KDM6A: variants seen among roughly 807,000 people sequenced by gnomAD.
The protein encoded by KDM6A is lysine demethylase 6A.
Under a neutral mutation model 117.6 loss-of-function variants are expected in KDM6A, and 11 were observed. The observed-to-expected ratio is 0.09, with a 90% CI of 0.06 to 0.15. The LOEUF (loss-of-function observed/expected upper bound fraction) is 0.15, where lower values mean the gene tolerates loss of function less well. Among genes scored for constraint, KDM6A ranks in the 10% least tolerant of loss-of-function variants. KDM6A has a pLI of 1.00. For missense variants in KDM6A, 799 were observed against 1,077.3 expected, an observed-to-expected ratio of 0.74 and a Z score of 3.62; for synonymous variants, 384 against 396.1, an observed-to-expected ratio of 0.97 and a Z score of 0.36.
chrX:45,029,173 A>G (rs1016892041), intron 6 of KDM6A, among the ~76,000 whole-genome samples: 4 of 111,406 alleles, frequency 3.6e-5, no homozygotes, highest in African/African-American at 1.3e-4. Flanking sequence ...AGTGGCTCAC[A>G]CCTGTAATCC....
chrX:44,916,054 T>C (rs1222681152), intron 2 of KDM6A, among the ~76,000 whole-genome samples: 1 of 111,528 alleles, frequency 9.0e-6, no homozygotes, highest in Admixed American at 9.6e-5. Context: ...TTCTATTTTA[T>C]TAGTTATTGT....
intron 8 of KDM6A, among the ~76,000 whole-genome samples, chrX:45,045,181 A>G (rs749981220): frequency 2.7e-5 from 3 of 111,591 alleles, no homozygotes; most frequent in Non-Finnish European, 3.8e-5. Context: ...AAACTATTTC[A>G]TCATCTCAAA....
intron 2 of KDM6A, among the ~76,000 whole-genome samples, chrX:44,956,382 TTTCCTC>T (rs746864920): frequency 3.2e-4 from 36 of 111,208 alleles, no homozygotes; most frequent in Admixed American, 2.9e-4. Flanking sequence ...TCCTTTTCTT[TTTCCTC>T]TTCCTCTTCC....
chrX:45,027,309 C>A (rs1450993398), intron 6 of KDM6A, among the ~76,000 whole-genome samples: 3 of 93,756 alleles, frequency 3.2e-5, no homozygotes, highest in Non-Finnish European at 5.8e-5. Context: ...GACACACATA[C>A]ACACACACAC....
chrX:44,965,236 A>T (rs190625724), intron 3 of KDM6A, among the ~76,000 whole-genome samples: 1 of 111,661 alleles, frequency 9.0e-6, no homozygotes, highest in East Asian at 2.8e-4. Flanking sequence ...TATCCAGACC[A>T]CTCAGACCAT....
intron 8 of KDM6A, among the ~76,000 whole-genome samples, chrX:45,041,844 C>T (rs1456603934): frequency 4.5e-5 from 5 of 110,911 alleles, no homozygotes; most frequent in South Asian, 7.8e-4. Flanking sequence ...ACTTCCCAGA[C>T]GGGGTGGCGG....
intron 4 of KDM6A, among the ~76,000 whole-genome samples, chrX:44,994,207 G>A (rs2040756578): frequency 8.9e-6 from 1 of 111,913 alleles, no homozygotes; most frequent in Admixed American, 9.5e-5. Flanking sequence ...TTGTCTAAGT[G>A]AAACTTCGTA....
At chrX:45,045,588 GAAAAAAAA>G (rs569636939) in intron 8 of KDM6A, among the ~76,000 whole-genome samples, 14 of 35,666 alleles carry the variant, frequency 3.9e-4, no homozygotes, top group South Asian at 1.6e-3. Flanking sequence ...TCTGTCTCAA[GAAAAAAAA>G]AAAAAAAAAA....
intron 2 of KDM6A, among the ~76,000 whole-genome samples, chrX:44,907,807 T>C (rs2034823948): frequency 9.7e-6 from 1 of 102,947 alleles, no homozygotes; most frequent in African/African-American, 3.6e-5. Flanking sequence ...GTGACTGTTG[T>C]TGTATAGGTC....
chrX:44,900,935 A>G (rs1354141837), intron 2 of KDM6A, among the ~76,000 whole-genome samples: 1 of 112,422 alleles, frequency 8.9e-6, no homozygotes, highest in Non-Finnish European at 1.9e-5. Context: ...TAATAATAAT[A>G]TTCTGCATTT....
At chrX:45,042,912 A>T (rs1299435444) in intron 8 of KDM6A, among the ~76,000 whole-genome samples, 3 of 113,000 alleles carry the variant, frequency 2.7e-5, no homozygotes, top group Non-Finnish European at 1.9e-5. Flanking sequence ...AAAGTTATGG[A>T]ATACCACTTT....
Position 45,011,271 on chromosome X carries a change from A to G in KDM6A, c.443+252A>G, listed in dbSNP as rs541858517. On this transcript the variant is annotated intron_variant, in intron 5 of 29. Transcript: ENST00000611820. ...GATTCTGTTGAAGAAGGCTTAGATT[A>G]GAAAGCTTTTTGGAATTTCTTAGTC... is the stretch of plus-strand genomic sequence containing the variant. Among the ~76,000 whole-genome samples, 85 of 111,818 alleles carry G rather than the reference A, an allele frequency of 7.6e-4. No individual in the cohort carries two copies. The Middle Eastern group carries it at 0.018, about 24-fold the overall frequency.
chrX:44,932,921 C>G (rs779063934), intron 2 of KDM6A, among the ~76,000 whole-genome samples: 1 of 104,731 alleles, frequency 9.5e-6, no homozygotes, highest in Non-Finnish European at 1.9e-5. Flanking sequence ...GAGTTTCGCT[C>G]TTGTTGCCCA....
At chrX:45,066,675 A>G (rs183102231) in intron 17 of KDM6A, among the ~76,000 whole-genome samples, 46 of 111,839 alleles carry the variant, frequency 4.1e-4, no homozygotes, top group African/African-American at 1.4e-3. Flanking sequence ...GCATAGTTCT[A>G]TTTTCTTTTC....
At chrX:45,071,377 T>G (rs2148065517) in intron 18 of KDM6A, among the ~76,000 whole-genome samples, 1 of 112,171 alleles carries the variant, frequency 8.9e-6, no homozygotes, top group African/African-American at 3.2e-5. Flanking sequence ...AAAACAATTC[T>G]TATTTATAGC....
At chrX:45,089,609 C>A in intron 25 of KDM6A, 134 bp from the exon 26 acceptor site, 1 of 501,430 alleles carries the variant, frequency 2.0e-6, no homozygotes. Flanking sequence ...TACAGCAGAT[C>A]TTTTTGCACA....
Position 45,059,890 on chromosome X carries a change from C to T in KDM6A, c.1195-132C>T. 5 of 984,529 alleles carry T rather than the reference C, an allele frequency of 5.1e-6. No individual in the cohort carries two copies. In the South Asian group the frequency reaches 1.1e-4, roughly 22 times the overall value. 81.1% of individuals were successfully genotyped at this position (984,529 alleles called of 1,213,427 possible). On this transcript the variant is annotated intron_variant, in intron 12 of 29. Coordinates refer to ENST00000611820, the MANE Select transcript of KDM6A (RefSeq NM_001291415.2). ...CGGTTACCCTGTTTATACTTAGTGT[C>T]TTCTAAAGCCCCAAATTTAGAATCT...
chrX:45,004,964 G>C (rs1212294874), intron 4 of KDM6A, among the ~76,000 whole-genome samples: 3 of 110,927 alleles, frequency 2.7e-5, no homozygotes, highest in African/African-American at 9.9e-5. Flanking sequence ...TCTAGTAGTG[G>C]TTTAAGCTCC....
At chrX:44,897,465 T>C (rs1412085036) in intron 2 of KDM6A, among the ~76,000 whole-genome samples, 1 of 111,474 alleles carries the variant, frequency 9.0e-6, no homozygotes, top group Non-Finnish European at 1.9e-5. Flanking sequence ...TGATTGTTTC[T>C]CCTCATTCAT....
Sources: gnomAD v4.1 joint callset for allele counts (sites outside exome capture counted in the v4.1 genomes callset) on GRCh38, gnomAD v4.1.1 for gene constraint, MANE v1.5 for transcripts, NCBI Gene and HGNC (gene_info 2026-07-23, HGNC 2026-07-21) for gene names.